N4BP2L2: variants seen among roughly 807,000 people sequenced by gnomAD.
N4BP2L2 encodes the protein NEDD4 binding protein 2 like 2.
N4BP2L2 carries 50 observed loss-of-function variants against 56.2 expected under a neutral mutation model. The observed-to-expected ratio is 0.89, with a 90% confidence interval of 0.71 to 1.13. N4BP2L2 has a LOEUF of 1.13. N4BP2L2 is among the 50% of genes most tolerant of loss of function. The pLI, the probability that N4BP2L2 is intolerant of heterozygous loss-of-function variation, is 0.00. For missense variants in N4BP2L2, 689 were observed against 693.8 expected (o/e 0.99, Z 0.08); for synonymous variants, 203 against 223.6 (o/e 0.91, Z 0.82).
At position 32,443,636 on chromosome 13, in the gene N4BP2L2, TTCTAA is replaced by T; in HGVS notation, c.851_855del (p.Ile284LysfsTer2). 1.2e-6 allele frequency: 2 copies of T among 1,611,456 alleles called. No individual in the cohort carries two copies. Among genetic ancestry groups the T allele is most frequent in the Non-Finnish European group, 1.7e-6 (2 of 1,179,086 alleles). On this transcript the variant is annotated frameshift_variant, in exon 7 of 10. Transcript: ENST00000357505. LOFTEE classifies it high-confidence loss of function. ...GTGTCTAATGCTATGGTATGCCTAT[TTCTAA>T]TATGCTTTTCTACCTTCATGCCAGA...
intron 6 of N4BP2L2, among the ~76,000 whole-genome samples, chr13:32,467,456 A>G (rs2138843151): frequency 6.6e-6 from 1 of 151,558 alleles, no homozygotes; most frequent in African/African-American, 2.4e-5. Flanking sequence ...TGTATTTAGT[A>G]GAGTATTTTT....
At chr13:32,491,616 A>G (rs2087090007) in intron 6 of N4BP2L2, among the ~76,000 whole-genome samples, 1 of 133,654 alleles carries the variant, frequency 7.5e-6, no homozygotes, top group Admixed American at 7.5e-5. Context: ...CTATATATGT[A>G]TATTATATAT....
chr13:32,452,835 A>G (rs1156643545), intron 6 of N4BP2L2, among the ~76,000 whole-genome samples: 3 of 152,264 alleles, frequency 2.0e-5, no homozygotes, highest in Non-Finnish European at 4.4e-5. Context: ...ATCAGAAACA[A>G]GACAAGAATG....
chr13:32,478,087 T>C (rs1486641427), intron 6 of N4BP2L2: 2 of 1,280,170 alleles, frequency 1.6e-6, no homozygotes, highest in Admixed American at 4.6e-5. Context: ...GCCCAGCTTA[T>C]ACACTGGAAT....
chr13:32,495,969 C>T (rs1244524896), intron 6 of N4BP2L2, among the ~76,000 whole-genome samples: 1 of 152,144 alleles, frequency 6.6e-6, no homozygotes, highest in Non-Finnish European at 1.5e-5. Context: ...AGGCATGAAC[C>T]ACCCCACCCC....
intron 6 of N4BP2L2, among the ~76,000 whole-genome samples, chr13:32,468,984 A>G (rs2081789724): frequency 6.6e-6 from 1 of 152,230 alleles, no homozygotes; most frequent in Admixed American, 6.5e-5. Flanking sequence ...ATAAAGGTAG[A>G]CAGTGTAAGA....
rs2050215803 is a variant in N4BP2L2 at position 32,519,573 on chromosome 13, T to C, written c.1551-1570A>G. ...CAGGAGGCTGAAGCAGGGGAATCGC[T>C]TGAACCTGGGAGGCAGAAGTAAGCT... On this transcript the variant is annotated intron_variant, in intron 5 of 5. Transcript: ENST00000267068. Among the ~76,000 whole-genome samples the C allele has an allele frequency of 2.0e-5, 3 of 152,086 alleles. 1 individual carries two copies. The South Asian group carries it at 6.2e-4, about 32-fold the overall frequency.
intron 6 of N4BP2L2, among the ~76,000 whole-genome samples, chr13:32,482,949 A>G (rs532339488): frequency 6.6e-6 from 1 of 152,360 alleles, no homozygotes; most frequent in East Asian, 1.9e-4. Flanking sequence ...AAACTAAGAC[A>G]TACTTATTCA....
chr13:32,513,908 ACAAC>A (rs977888337), exon 6 of N4BP2L2: 21 of 152,220 alleles, frequency 1.4e-4, no homozygotes, highest in African/African-American at 5.1e-4. Context: ...CAAAGAGACC[ACAAC>A]CAATTTTCTT....
chr13:32,495,976 C>T (rs769961151), intron 6 of N4BP2L2, among the ~76,000 whole-genome samples: 2 of 152,160 alleles, frequency 1.3e-5, no homozygotes, highest in African/African-American at 4.8e-5. Context: ...AACCACCCCA[C>T]CCCGCCGGTG....
At chr13:32,507,873 G>A (rs1034894474), downstream of N4BP2L2, 2 of 152,100 alleles carry the variant, frequency 1.3e-5, no homozygotes, top group African/African-American at 4.8e-5. Context: ...AATAAAAGTG[G>A]GGAGACTACT....
At chr13:32,468,268 C>CAA (rs59875338) in intron 6 of N4BP2L2, among the ~76,000 whole-genome samples, 2,015 of 103,980 alleles carry the variant, frequency 0.019, 37 homozygotes, top group African/African-American at 0.064. Context: ...CAAAAAGAGA[C>CAA]AAAAAAAAAA....
At chr13:32,433,931 CAAAAA>C (rs60540916) in intron 9 of N4BP2L2, among the ~76,000 whole-genome samples, 5 of 86,118 alleles carry the variant, frequency 5.8e-5, no homozygotes, top group Non-Finnish European at 6.6e-5. Flanking sequence ...GACCGTGTCT[CAAAAA>C]AAAAAAAAAA....
intron 6 of N4BP2L2, among the ~76,000 whole-genome samples, chr13:32,473,028 C>T (rs1187043866): frequency 2.6e-5 from 4 of 151,994 alleles, no homozygotes; most frequent in Non-Finnish European, 5.9e-5. Flanking sequence ...CGCCTGTAAT[C>T]CCAGCACTTT....
At chr13:32,536,268 G>A (rs746279405) in exon 2 of N4BP2L2, 38 of 1,613,564 alleles carry the variant, frequency 2.4e-5, no homozygotes, top group Non-Finnish European at 3.1e-5. Context: ...CAAAATGTAG[G>A]TATTACTTGT....
At chr13:32,512,367 A>G (rs1379688170) in exon 6 of N4BP2L2, 2 of 152,170 alleles carry the variant, frequency 1.3e-5, no homozygotes, top group African/African-American at 4.8e-5. Context: ...TAGTTTTGAG[A>G]TTAGGGATCA....
chr13:32,442,951 C>T (rs1429439407), exon 7 of N4BP2L2: 1 of 1,613,250 alleles, frequency 6.2e-7, no homozygotes. Flanking sequence ...TTTTTCTTCT[C>T]CCAAAGTAAT....
At chr13:32,435,083 G>T (rs942019319) in intron 9 of N4BP2L2, among the ~76,000 whole-genome samples, 9 of 152,124 alleles carry the variant, frequency 5.9e-5, no homozygotes, top group Admixed American at 4.6e-4. Context: ...TCTAACTTCA[G>T]TCAGAGGTAG....
intron 3 of N4BP2L2, chr13:32,525,061 C>T (rs2052299574): frequency 6.6e-6 from 1 of 152,268 alleles, no homozygotes; most frequent in Non-Finnish European, 1.5e-5. Flanking sequence ...CTGCACCCAG[C>T]TATGCCAGTA....
Sources: allele counts gnomAD v4.1 joint callset (sites outside exome capture counted in the v4.1 genomes callset), GRCh38; gene constraint gnomAD v4.1.1; transcripts MANE v1.5; gene names NCBI Gene and HGNC (gene_info 2026-07-23, HGNC 2026-07-21).